MAP2K1: variants seen among roughly 807,000 people sequenced by gnomAD.
The protein encoded by MAP2K1 is dual specificity mitogen-activated protein kinase kinase 1.
Under a neutral mutation model 46.3 loss-of-function variants are expected in MAP2K1, and 16 were observed. That is an observed-to-expected ratio of 0.35 (90% CI 0.23 to 0.52). MAP2K1 has a LOEUF of 0.52. MAP2K1 is among the 20% of genes least tolerant of loss of function. The probability of loss-of-function intolerance (pLI) is 0.94; values close to 1 mark genes in which losing one functional copy is unlikely to be tolerated. For synonymous variants in MAP2K1, 183 were observed against 185.6 expected (o/e 0.99, Z 0.11); for missense variants, 263 against 497.1 (o/e 0.53, Z 4.48).
chr15:66,420,721 ATGTG>A lies in MAP2K1; in HGVS notation c.81-14270_81-14267del, dbSNP rs1166822915. 4.9e-3 allele frequency among the ~76,000 whole-genome samples: 146 copies of A among 29,678 alleles called. 26 individuals are homozygous for A. Among genetic ancestry groups the A allele is most frequent in the Middle Eastern group, 0.017 (1 of 58 alleles). 19.5% of individuals were successfully genotyped at this position (29,678 alleles called of 152,430 possible). The stretch of plus-strand genomic sequence containing the variant: ...TTACTCTTGGCATATATATATATAT[ATGTG>A]TGTGTGTGTGTGTGTGTGTGTGTGT... On this transcript the variant is annotated intron_variant, in intron 1 of 10. Transcript: ENST00000307102.
chr15:66,444,407 C>G (rs958442434), intron 4 of MAP2K1, among the ~76,000 whole-genome samples: 3 of 151,874 alleles, frequency 2.0e-5, no homozygotes, highest in Non-Finnish European at 4.4e-5. Context: ...GTAGCGCATG[C>G]CCGTAATCCC....
chr15:66,399,166 GA>G (rs1216499898), intron 1 of MAP2K1, among the ~76,000 whole-genome samples: 2 of 152,108 alleles, frequency 1.3e-5, no homozygotes, highest in Admixed American at 6.5e-5. Context: ...TGAGGTTCAG[GA>G]AAAAAACTCA....
chr15:66,428,818 C>T (rs1218946351), intron 1 of MAP2K1, among the ~76,000 whole-genome samples: 1 of 108,894 alleles, frequency 9.2e-6, no homozygotes, highest in East Asian at 3.0e-4. Context: ...GTCTCATTGT[C>T]ACCCAGGCTA....
intron 1 of MAP2K1, among the ~76,000 whole-genome samples, chr15:66,426,816 T>C (rs755241141): frequency 3.9e-5 from 6 of 152,212 alleles, no homozygotes; most frequent in Non-Finnish European, 8.8e-5. Context: ...CTTTAAAGTT[T>C]TGTCCAGTGC....
chr15:66,412,237 A>G (rs2093413134), intron 1 of MAP2K1, among the ~76,000 whole-genome samples: 1 of 152,220 alleles, frequency 6.6e-6, no homozygotes, highest in Non-Finnish European at 1.5e-5. Flanking sequence ...AATCAGCTCC[A>G]GGACTGTGGT....
In MAP2K1 at chr15:66,429,665, CCCCCCCCCCCCCCGT is replaced by C. The variant is rs1173155244; in HGVS notation, c.81-5354_81-5340del. ...TTGCCACTGGGTCTGCACTGCGGCG[CCCCCCCCCCCCCCGT>C]CCCCCCCAACACAGATGGGCTAGCC... is the stretch of plus-strand genomic sequence containing the variant. On this transcript the variant is annotated intron_variant, in intron 1 of 10. Coordinates refer to ENST00000307102, the MANE Select transcript of MAP2K1 (RefSeq NM_002755.4). Among the ~76,000 whole-genome samples the C allele has an allele frequency of 2.0e-4, 7 of 35,570 alleles. 1 individual carries two copies. The highest frequency in any genetic ancestry group is 3.8e-4 in the Non-Finnish European group (6 of 15,676). The allele number at this position is 35,570 out of a possible 152,430, so 23.3% of individuals were successfully genotyped here.
chr15:66,462,983 T>C (rs1892367070), intron 5 of MAP2K1, among the ~76,000 whole-genome samples: 2 of 152,214 alleles, frequency 1.3e-5, no homozygotes, highest in African/African-American at 4.8e-5. Context: ...TTTGCTTCTC[T>C]GTCCAGAGGG....
chr15:66,464,282 TAGG>T (rs1465996000), intron 5 of MAP2K1, among the ~76,000 whole-genome samples: 2 of 151,796 alleles, frequency 1.3e-5, no homozygotes, highest in Non-Finnish European at 2.9e-5. Context: ...GATGAGAAAA[TAGG>T]GGGAGAAAGG....
At chr15:66,440,780 G>A (rs1380203791) in intron 3 of MAP2K1, among the ~76,000 whole-genome samples, 1 of 152,222 alleles carries the variant, frequency 6.6e-6, no homozygotes, top group Non-Finnish European at 1.5e-5. Flanking sequence ...AGCAGCTTAA[G>A]GCAAGGACTT....
At chr15:66,413,733 A>G (rs1317412411) in intron 1 of MAP2K1, among the ~76,000 whole-genome samples, 1 of 152,160 alleles carries the variant, frequency 6.6e-6, no homozygotes, top group African/African-American at 2.4e-5. Context: ...TGTAATTGCA[A>G]GGCATTGTGA....
At chr15:66,402,454 C>T (rs1566996640) in intron 1 of MAP2K1, among the ~76,000 whole-genome samples, 1 of 152,136 alleles carries the variant, frequency 6.6e-6, no homozygotes, top group African/African-American at 2.4e-5. Flanking sequence ...TCTACTAAAA[C>T]TTTTAACCCA....
At chr15:66,488,727 T>C (rs1317135805) in intron 8 of MAP2K1, 1 of 168,446 alleles carries the variant, frequency 5.9e-6, no homozygotes, top group Non-Finnish European at 1.3e-5. Flanking sequence ...TAAAAACCGG[T>C]TTGCTTCTGC....
intron 5 of MAP2K1, among the ~76,000 whole-genome samples, chr15:66,460,965 GAGAGC>G (rs1412548664): frequency 6.6e-6 from 1 of 152,150 alleles, no homozygotes; most frequent in Non-Finnish European, 1.5e-5. Flanking sequence ...GCTGTACGTG[GAGAGC>G]TGTGTTCTCC....
At chr15:66,470,566 G>A (rs764672075) in intron 5 of MAP2K1, among the ~76,000 whole-genome samples, 6 of 152,196 alleles carry the variant, frequency 3.9e-5, no homozygotes, top group Non-Finnish European at 8.8e-5. Flanking sequence ...GAGTTGTACA[G>A]CAAAATAAAC....
chr15:66,423,811 T>C (rs2093449969), intron 1 of MAP2K1, among the ~76,000 whole-genome samples: 1 of 152,052 alleles, frequency 6.6e-6, no homozygotes, highest in Non-Finnish European at 1.5e-5. Context: ...TTCACCATGT[T>C]GGTCAGGCTG....
intron 5 of MAP2K1, among the ~76,000 whole-genome samples, chr15:66,469,293 T>C (rs1211076203): frequency 6.6e-6 from 1 of 152,176 alleles, no homozygotes; most frequent in Non-Finnish European, 1.5e-5. Flanking sequence ...TTTCTAAGTG[T>C]CTAAACTACA....
chr15:66,426,607 T>C (rs1282817482), intron 1 of MAP2K1, among the ~76,000 whole-genome samples: 1 of 152,042 alleles, frequency 6.6e-6, no homozygotes. Context: ...GAAAGGACAT[T>C]GGCACTCTCA....
At chr15:66,396,426 T>C (rs868770297) in intron 1 of MAP2K1, among the ~76,000 whole-genome samples, 23 of 151,162 alleles carry the variant, frequency 1.5e-4, no homozygotes, top group Non-Finnish European at 2.5e-4. Context: ...CACACCACCA[T>C]GGCCGGCTAA....
At chr15:66,487,335 C>T (rs755846983) in intron 8 of MAP2K1, 43 bp downstream of exon 8, 156 of 1,589,306 alleles carry the variant, frequency 9.8e-5, no homozygotes, top group Non-Finnish European at 1.3e-4. Context: ...TTTACTTGCT[C>T]ATCTTAAGAA....
Sources: gnomAD v4.1 joint callset for allele counts (sites outside exome capture counted in the v4.1 genomes callset) on GRCh38, gnomAD v4.1.1 for gene constraint, MANE v1.5 for transcripts, NCBI Gene and HGNC (gene_info 2026-07-23, HGNC 2026-07-21) for gene names.